ST3GAL3: variants seen among roughly 807,000 people sequenced by gnomAD.
The protein encoded by ST3GAL3 is CMP-N-acetylneuraminate-beta-1,4-galactoside alpha-2,3-sialyltransferase.
ST3GAL3 carries 21 observed loss-of-function variants against 50.1 expected under a neutral mutation model. That is an observed-to-expected ratio of 0.42 (90% CI 0.30 to 0.60). The LOEUF is 0.60. Among genes scored for constraint, ST3GAL3 ranks in the 20% least tolerant of loss-of-function variants. The pLI, the probability that ST3GAL3 is intolerant of heterozygous loss-of-function variation, is 0.19. For missense variants in ST3GAL3, 353 were observed against 489.4 expected (o/e 0.72, Z 2.63); for synonymous variants, 183 against 190.0 (o/e 0.96, Z 0.30).
At chr1:43,892,030 A>G (rs1311866326) in intron 5 of ST3GAL3, among the ~76,000 whole-genome samples, 2 of 151,960 alleles carry the variant, frequency 1.3e-5, no homozygotes, top group Non-Finnish European at 2.9e-5. Context: ...TGCAACCTCT[A>G]CCTCCCAGGT....
chr1:43,857,586 C>CCTTCCTT (rs1558605800), intron 5 of ST3GAL3, among the ~76,000 whole-genome samples: 4,082 of 85,782 alleles, frequency 0.048, 246 homozygotes, highest in African/African-American at 0.1. Context: ...CTTCCTCCCT[C>CCTTCCTT]CCTTCCTTCC....
intron 1 of ST3GAL3, among the ~76,000 whole-genome samples, chr1:43,725,391 C>T (rs892729566): frequency 9.2e-5 from 14 of 151,806 alleles, no homozygotes; most frequent in Admixed American, 3.3e-4. Flanking sequence ...TTAGTGGAGA[C>T]GGGTTTTACC....
intron 4 of ST3GAL3, among the ~76,000 whole-genome samples, chr1:43,822,193 G>A (rs912915869): frequency 2.0e-5 from 3 of 152,126 alleles, no homozygotes; most frequent in Admixed American, 6.5e-5. Flanking sequence ...ATGACACAAC[G>A]AGCCAGGAAT....
At chr1:43,860,498 G>A (rs992006467) in intron 5 of ST3GAL3, among the ~76,000 whole-genome samples, 6 of 152,242 alleles carry the variant, frequency 3.9e-5, no homozygotes, top group African/African-American at 1.4e-4. Context: ...GCGTGGCCAA[G>A]GAAAGCTGTT....
intron 2 of ST3GAL3, among the ~76,000 whole-genome samples, chr1:43,758,172 C>T (rs1054686741): frequency 7.3e-6 from 1 of 136,670 alleles, no homozygotes; most frequent in Non-Finnish European, 1.7e-5. Context: ...ACCCCCCCCC[C>T]CAAAAAAAAG....
chr1:43,875,950 CTTATTA>C (rs200892055), intron 5 of ST3GAL3, among the ~76,000 whole-genome samples: 1,006 of 73,888 alleles, frequency 0.014, 8 homozygotes, highest in Middle Eastern at 0.05. Flanking sequence ...TCTTCTTCTT[CTTATTA>C]TTATTATTAT....
chr1:43,875,864 A>G (rs1202494795), intron 5 of ST3GAL3, among the ~76,000 whole-genome samples: 1 of 151,820 alleles, frequency 6.6e-6, no homozygotes, highest in Non-Finnish European at 1.5e-5. Flanking sequence ...TACACAAAAA[A>G]TACTGCACCT....
chr1:43,845,166 A>G (rs987083179), intron 5 of ST3GAL3, among the ~76,000 whole-genome samples: 5 of 152,084 alleles, frequency 3.3e-5, no homozygotes, highest in Non-Finnish European at 5.9e-5. Flanking sequence ...TATTTTTAGT[A>G]GAGATGGTGT....
intron 2 of ST3GAL3, among the ~76,000 whole-genome samples, chr1:43,744,688 A>AAATAAATAAAT (rs1228939710): frequency 9.9e-4 from 119 of 120,310 alleles, no homozygotes; most frequent in African/African-American, 2.0e-3. Context: ...ATAAATAAAT[A>AAATAAATAAAT]AAATAAAATA....
At chr1:43,728,552 C>G (rs1055508217) in intron 1 of ST3GAL3, among the ~76,000 whole-genome samples, 1 of 152,082 alleles carries the variant, frequency 6.6e-6, no homozygotes, top group African/African-American at 2.4e-5. Flanking sequence ...TGATACCAAC[C>G]TGGGCCACAT....
intron 9 of ST3GAL3, among the ~76,000 whole-genome samples, chr1:43,917,632 TATATA>T (rs1177237690): frequency 4.3e-4 from 25 of 57,786 alleles, no homozygotes; most frequent in South Asian, 1.5e-3. Flanking sequence ...TTATATATAA[TATATA>T]ATATAATATA....
intron 2 of ST3GAL3, among the ~76,000 whole-genome samples, chr1:43,759,058 AGCGCGC>A (rs550891277): frequency 2.8e-4 from 32 of 113,732 alleles, no homozygotes; most frequent in African/African-American, 9.8e-4. Context: ...AACAAACAAA[AGCGCGC>A]GCACACACAC....
intron 5 of ST3GAL3, among the ~76,000 whole-genome samples, chr1:43,857,543 C>T (rs1205775941): frequency 7.6e-6 from 1 of 131,860 alleles, no homozygotes; most frequent in Non-Finnish European, 1.7e-5. Flanking sequence ...CCCTCCCTCC[C>T]TCCCTTCCTT....
At chr1:43,852,969 A>T (rs2067623975) in intron 5 of ST3GAL3, among the ~76,000 whole-genome samples, 1 of 152,226 alleles carries the variant, frequency 6.6e-6, no homozygotes, top group South Asian at 2.1e-4. Context: ...AAAAATAAAG[A>T]TCCTAGAGTA....
At chr1:43,904,250 C>T (rs754212953) in intron 9 of ST3GAL3, among the ~76,000 whole-genome samples, 12 of 151,998 alleles carry the variant, frequency 7.9e-5, no homozygotes, top group Non-Finnish European at 1.2e-4. Flanking sequence ...TGGACCAGGC[C>T]CAAATGGGGA....
At chr1:43,741,441 T>A (rs1680884601) in intron 2 of ST3GAL3, among the ~76,000 whole-genome samples, 1 of 152,272 alleles carries the variant, frequency 6.6e-6, no homozygotes, top group Non-Finnish European at 1.5e-5. Flanking sequence ...AGATAAATTA[T>A]AAAATATGCA....
In ST3GAL3 at chr1:43,763,158, A is replaced by C. The variant is rs531434970; in HGVS notation, c.118+26778A>C. On this transcript the variant is annotated intron_variant, in intron 2 of 11. Coordinates refer to ENST00000347631, the MANE Select transcript of ST3GAL3 (RefSeq NM_006279.5). ...AAGCAATTAGAATGTTTACCAGTAG[A>C]GAACAAGTTAATTAAATCATGGTTC... Among the ~76,000 whole-genome samples, 7 of 152,348 alleles carry C rather than the reference A, an allele frequency of 4.6e-5. No individual in the cohort carries two copies. In the South Asian group the frequency reaches 1.0e-3, roughly 23 times the overall value.
intron 5 of ST3GAL3, among the ~76,000 whole-genome samples, chr1:43,873,103 C>T (rs554410634): frequency 3.9e-5 from 6 of 152,290 alleles, no homozygotes; most frequent in African/African-American, 1.2e-4. Context: ...GGAGTGACTT[C>T]AGTTTTAAAG....
At chr1:43,765,793 G>C (rs1390071120) in intron 2 of ST3GAL3, among the ~76,000 whole-genome samples, 5 of 146,476 alleles carry the variant, frequency 3.4e-5, no homozygotes, top group African/African-American at 1.1e-4. Flanking sequence ...GTGCGCGCGC[G>C]CGCGCGCGTC....
Sources: allele counts gnomAD v4.1 joint callset (sites outside exome capture counted in the v4.1 genomes callset), GRCh38; gene constraint gnomAD v4.1.1; transcripts MANE v1.5; gene names NCBI Gene and HGNC (gene_info 2026-07-23, HGNC 2026-07-21).